The following CDH18 variants were observed in gnomAD, a reference collection of about 807,000 sequenced individuals.
The protein encoded by CDH18 is cadherin-18.
Under a neutral mutation model 67.9 loss-of-function variants are expected in CDH18, and 31 were observed. The ratio of observed to expected loss-of-function variants is 0.46; its 90% CI spans 0.34 to 0.62. CDH18 has a LOEUF of 0.62. CDH18 is among the 20% of genes least tolerant of loss of function. The probability of loss-of-function intolerance (pLI) is 0.01; values close to 1 mark genes in which losing one functional copy is unlikely to be tolerated. For synonymous variants in CDH18, 362 were observed against 347.2 expected (o/e 1.04, Z -0.48); for missense variants, 890 against 975.5 (o/e 0.91, Z 1.17).
intron 1 of CDH18, among the ~76,000 whole-genome samples, chr5:20,508,179 C>T (rs908067314): frequency 2.0e-5 from 3 of 151,406 alleles, no homozygotes; most frequent in Non-Finnish European, 4.4e-5. Context: ...TCTTCTTCTC[C>T]ATGAGGGTAA....
rs538353681 is a variant in CDH18 at position 19,532,269 on chromosome 5, C to T, written c.1391-11491G>A. 2.6e-3 allele frequency among the ~76,000 whole-genome samples: 389 copies of T among 152,124 alleles called. 1 individual carries two copies. The highest frequency in any genetic ancestry group is 4.8e-3 in the Non-Finnish European group (323 of 67,998). ...CAACATAAACTTTATCAATGTATTG[C>T]TTCTATTGAAATACTAAATATTATA... On this transcript the variant is annotated intron_variant, in intron 9 of 12. Transcript: ENST00000382275.
At chr5:20,065,395 T>A (rs994586492) in intron 2 of CDH18, among the ~76,000 whole-genome samples, 4 of 151,922 alleles carry the variant, frequency 2.6e-5, no homozygotes, top group African/African-American at 4.8e-5. Flanking sequence ...AGATTTCCCA[T>A]AATATCCTGA....
chr5:20,543,196 C>T (rs146585040), intron 1 of CDH18, among the ~76,000 whole-genome samples: 178 of 151,974 alleles, frequency 1.2e-3, no homozygotes, highest in Non-Finnish European at 2.3e-3. Flanking sequence ...GCATCAAAAC[C>T]AAGTTACACT....
chr5:19,700,258 A>G (rs1395829327), intron 5 of CDH18, among the ~76,000 whole-genome samples: 1 of 152,154 alleles, frequency 6.6e-6, no homozygotes, highest in African/African-American at 2.4e-5. Flanking sequence ...GAACCAAACA[A>G]CATCAATGTG....
At chr5:19,720,975 G>T (rs1766018536) in intron 5 of CDH18, among the ~76,000 whole-genome samples, 1 of 152,024 alleles carries the variant, frequency 6.6e-6, no homozygotes, top group Non-Finnish European at 1.5e-5. Context: ...ACCCTCTTCA[G>T]CTAAGAATTA....
intron 8 of CDH18, among the ~76,000 whole-genome samples, chr5:19,548,846 G>T (rs1338789797): frequency 6.6e-6 from 1 of 151,508 alleles, no homozygotes; most frequent in African/African-American, 2.4e-5. Flanking sequence ...TGCCTCCCGG[G>T]TTCAAACAAT....
At chr5:19,484,684 T>A (rs1332913554) in intron 11 of CDH18, among the ~76,000 whole-genome samples, 2 of 152,188 alleles carry the variant, frequency 1.3e-5, no homozygotes, top group African/African-American at 4.8e-5. Context: ...ACAATACTGA[T>A]GGACAACTTT....
At position 20,192,356 on chromosome 5, in the gene CDH18, T is replaced by G. The variant is rs190887469; in HGVS notation, c.-518+63088A>C. 4.6e-5 allele frequency among the ~76,000 whole-genome samples: 7 copies of G among 152,288 alleles called. No individual in the cohort carries two copies. The East Asian group carries it at 1.4e-3, about 29-fold the overall frequency. ...GCTGTGCAGAAGCTCTTTAGTTTAATTAGATCCCCTTTGTCAATTTGGCTT... is the reference window on the plus strand; with the variant it reads ...GCTGTGCAGAAGCTCTTTAGTTTAAGTAGATCCCCTTTGTCAATTTGGCTT... On this transcript the variant is annotated intron_variant, in intron 2 of 14. Coordinates refer to the CDH18 transcript ENST00000507958.
chr5:19,746,890 T>C, intron 4 of CDH18, 52 bp downstream of exon 4: 2 of 1,491,794 alleles, frequency 1.3e-6, no homozygotes, highest in Non-Finnish European at 1.8e-6. Context: ...AAGATGACTT[T>C]TTGATTTTCT....
chr5:19,659,770 T>G (rs1422988414), intron 5 of CDH18, among the ~76,000 whole-genome samples: 1 of 152,050 alleles, frequency 6.6e-6, no homozygotes, highest in Non-Finnish European at 1.5e-5. Flanking sequence ...GCAGAGTACT[T>G]GAGCACTCAC....
chr5:20,238,241 T>C (rs1742625133), intron 2 of CDH18, among the ~76,000 whole-genome samples: 1 of 152,068 alleles, frequency 6.6e-6, no homozygotes, highest in South Asian at 2.1e-4. Flanking sequence ...AACTTCAAAA[T>C]AATATAATTT....
chr5:19,642,759 C>G (rs1024481759), intron 5 of CDH18, among the ~76,000 whole-genome samples: 4 of 151,840 alleles, frequency 2.6e-5, no homozygotes, highest in Non-Finnish European at 4.4e-5. Context: ...TGCTATTTGT[C>G]CAGGCAATAA....
chr5:19,930,745 T>C (rs1211881931), intron 2 of CDH18, among the ~76,000 whole-genome samples: 1 of 152,042 alleles, frequency 6.6e-6, no homozygotes, highest in African/African-American at 2.4e-5. Context: ...TCTAAGCTTA[T>C]GAAACTGCCC....
At chr5:20,214,091 A>T (rs1351756632) in intron 2 of CDH18, among the ~76,000 whole-genome samples, 1 of 152,056 alleles carries the variant, frequency 6.6e-6, no homozygotes, top group Non-Finnish European at 1.5e-5. Context: ...ATTCACAATT[A>T]CCACGAAAAA....
intron 3 of CDH18, among the ~76,000 whole-genome samples, chr5:19,830,769 A>C (rs1780928784): frequency 6.6e-6 from 1 of 152,150 alleles, no homozygotes; most frequent in African/African-American, 2.4e-5. Context: ...ACAATAGCAA[A>C]GTTATGAAAT....
chr5:20,163,327 C>G (rs1303735926), intron 2 of CDH18, among the ~76,000 whole-genome samples: 1 of 151,640 alleles, frequency 6.6e-6, no homozygotes, highest in Non-Finnish European at 1.5e-5. Flanking sequence ...TTAAATTTTC[C>G]CCAATTTTCT....
intron 2 of CDH18, among the ~76,000 whole-genome samples, chr5:20,096,982 C>T (rs976873773): frequency 1.1e-4 from 17 of 152,110 alleles, no homozygotes; most frequent in African/African-American, 2.4e-4. Flanking sequence ...TTATGTGTGA[C>T]GGATACTCAA....
intron 2 of CDH18, among the ~76,000 whole-genome samples, chr5:20,251,160 A>G (rs1350825704): frequency 1.3e-5 from 2 of 152,198 alleles, no homozygotes; most frequent in Non-Finnish European, 2.9e-5. Context: ...TATAAATATA[A>G]TTCTGTGTAC....
intron 2 of CDH18, among the ~76,000 whole-genome samples, chr5:20,125,999 T>A (rs1748788352): frequency 6.6e-6 from 1 of 152,110 alleles, no homozygotes; most frequent in East Asian, 1.9e-4. Flanking sequence ...AGATCTCAAA[T>A]AGCCAAAGCA....
Sources: allele counts gnomAD v4.1 joint callset (sites outside exome capture counted in the v4.1 genomes callset), GRCh38; gene constraint gnomAD v4.1.1; transcripts MANE v1.5; gene names NCBI Gene and HGNC (gene_info 2026-07-23, HGNC 2026-07-21).